Variants in AHCYL2 observed in about 807,000 individuals in gnomAD.
AHCYL2 encodes adenosylhomocysteinase like 2.
A neutral mutation model predicts 81.4 loss-of-function variants in AHCYL2; 28 were observed. The observed-to-expected ratio is 0.34, with a 90% CI of 0.25 to 0.47. The LOEUF (loss-of-function observed/expected upper bound fraction) is 0.47, where lower values mean the gene tolerates loss of function less well. Ranked by LOEUF, AHCYL2 falls within the 20% of genes least tolerant of loss-of-function variation. AHCYL2 has a pLI of 1.00. For synonymous variants in AHCYL2, 272 were observed against 290.2 expected (o/e 0.94, Z 0.64); for missense variants, 551 against 785.1 (o/e 0.70, Z 3.56).
Position 129,368,417 on chromosome 7 carries a change from G to A in AHCYL2, c.364-11221G>A. 1.2e-6 allele frequency: 2 copies of A among 1,611,306 alleles called. No homozygotes were observed. Among genetic ancestry groups the A allele is most frequent in the Non-Finnish European group, 1.7e-6 (2 of 1,178,474 alleles). ...ATCTCACTAGGGTTGGGTCTGCTTT[G>A]GGGCACTCAGATAACCCCAGTATTT... On this transcript the variant is annotated intron_variant, in intron 1 of 16. Coordinates refer to ENST00000325006, the MANE Select transcript of AHCYL2 (RefSeq NM_015328.4). This position sits in a 1 kb window ranked among gnomAD's most constrained non-coding sequence, Gnocchi z 4.4.
At chr7:129,340,103 T>A (rs1324057103) in intron 1 of AHCYL2, among the ~76,000 whole-genome samples, 2 of 149,030 alleles carry the variant, frequency 1.3e-5, no homozygotes, top group African/African-American at 4.9e-5. Flanking sequence ...TATTTTTTTT[T>A]AGTAGAGGCA....
At chr7:129,282,585 A>G (rs1463406123) in intron 1 of AHCYL2, among the ~76,000 whole-genome samples, 1 of 152,012 alleles carries the variant, frequency 6.6e-6, no homozygotes, top group Non-Finnish European at 1.5e-5. Context: ...CCATGTTTCT[A>G]CTTAGCTTTT....
chr7:129,348,174 A>T (rs940407863), intron 1 of AHCYL2, among the ~76,000 whole-genome samples: 1 of 152,146 alleles, frequency 6.6e-6, no homozygotes, highest in Non-Finnish European at 1.5e-5. Context: ...GGTGATAAAC[A>T]AATAGCACAA....
At position 129,426,444 on chromosome 7, in the gene AHCYL2, T is replaced by C; in HGVS notation, c.1710T>C (p.Asp570=). The C allele has an allele frequency of 6.2e-7, 1 of 1,614,076 alleles. No individual in the cohort carries two copies. Among genetic ancestry groups the C allele is most frequent in the Non-Finnish European group, 8.5e-7 (1 of 1,179,966 alleles). The change falls in exon 16 of 17, where the codon GAT becomes GAC. Residue 570 remains aspartate (D), a splice_region_variant and synonymous_variant. Transcript: ENST00000325006. This position sits in a 1 kb window ranked among gnomAD's most constrained non-coding sequence, Gnocchi z 4.3. The part of the protein sequence containing the change: ...QDVYLLPKKM[D]EYVASLHLPT... ...CAGGGCTTCTGTGGTCTGTTCCAGA[T>C]GAGTATGTGGCCAGCCTACACCTGC...
chr7:129,304,211 T>C (rs1797347357), intron 1 of AHCYL2, among the ~76,000 whole-genome samples: 1 of 152,254 alleles, frequency 6.6e-6, no homozygotes, highest in Non-Finnish European at 1.5e-5. Flanking sequence ...ATTCTTGTTA[T>C]TGATTTCTAG....
chr7:129,296,035 C>G (rs554246600), intron 1 of AHCYL2, among the ~76,000 whole-genome samples: 1 of 152,198 alleles, frequency 6.6e-6, no homozygotes, highest in Non-Finnish European at 1.5e-5. Flanking sequence ...AATCTTAGTA[C>G]TGTAGACAGC....
At chr7:129,421,893 G>T (rs1205605566) in intron 12 of AHCYL2, among the ~76,000 whole-genome samples, 1 of 152,204 alleles carries the variant, frequency 6.6e-6, no homozygotes, top group Non-Finnish European at 1.5e-5. Context: ...TTACTACAAT[G>T]ACTAGAATAT....
chr7:129,389,829 T>G (rs994260022), intron 4 of AHCYL2, 95 bp downstream of exon 4: 10 of 951,734 alleles, frequency 1.1e-5, no homozygotes, highest in Non-Finnish European at 1.5e-5. Context: ...AGTTAAGAGC[T>G]TAACAAGTAT....
intron 12 of AHCYL2, among the ~76,000 whole-genome samples, chr7:129,421,193 A>G (rs940777515): frequency 6.6e-6 from 1 of 151,748 alleles, no homozygotes; most frequent in Non-Finnish European, 1.5e-5. Context: ...CAGAGGTTGC[A>G]GTGAGCTAAG....
At position 129,405,913 on chromosome 7, in the gene AHCYL2, T is replaced by G. The variant is rs768163073; in HGVS notation, c.1206+14T>G. The G allele has an allele frequency of 9.3e-6, 15 of 1,609,442 alleles. 1 individual carries two copies. In the South Asian group the frequency reaches 1.2e-4, roughly 13 times the overall value. ...GGCTATGGAGAGGTGAAGTTTAACC[T>G]TTTGTTTATTAGGTGTTTTAAATGG... On this transcript the variant is annotated intron_variant, in intron 9 of 16. Coordinates refer to ENST00000325006, the MANE Select transcript of AHCYL2 (RefSeq NM_015328.4).
intron 1 of AHCYL2, among the ~76,000 whole-genome samples, chr7:129,314,883 A>T (rs1797779043): frequency 6.6e-6 from 1 of 152,152 alleles, no homozygotes. Context: ...ACTAAATTTG[A>T]TTCTGTTTCA....
At position 129,368,304 on chromosome 7, in the gene AHCYL2, T is replaced by A. The variant is rs1794201998; in HGVS notation, c.364-11334T>A. On this transcript the variant is annotated intron_variant, in intron 1 of 16. Transcript: ENST00000325006. This position sits in a 1 kb window ranked among gnomAD's most constrained non-coding sequence, Gnocchi z 4.4. ...GCTTTGAAGCCGGCCAGTAAGGGGT[T>A]GTCAGGCAGTTGACTAATGCTCTTG... 4 of 1,433,186 alleles carry A rather than the reference T, an allele frequency of 2.8e-6. No individual in the cohort carries two copies. Among genetic ancestry groups the A allele is most frequent in the Non-Finnish European group, 2.7e-6 (3 of 1,093,836 alleles). The allele number at this position is 1,433,186 out of a possible 1,614,324, so 88.8% of individuals were successfully genotyped here.
At chr7:129,375,723 G>A in intron 1 of AHCYL2, 1 of 1,455,176 alleles carries the variant, frequency 6.9e-7, no homozygotes, top group Non-Finnish European at 9.0e-7. Context: ...CTGCTTCAGG[G>A]ATTCCAAGGA....
chr7:129,259,621 A>G (rs1043808150), intron 1 of AHCYL2, among the ~76,000 whole-genome samples: 3 of 152,232 alleles, frequency 2.0e-5, no homozygotes, highest in African/African-American at 7.2e-5. Flanking sequence ...TAAGGTTCCT[A>G]TTCAAGGTTA....
At chr7:129,289,079 G>A (rs1796743580) in intron 1 of AHCYL2, among the ~76,000 whole-genome samples, 1 of 151,496 alleles carries the variant, frequency 6.6e-6, no homozygotes, top group African/African-American at 2.4e-5. Context: ...ACCACAACGG[G>A]CCTATTTTAA....
At chr7:129,327,743 C>T (rs1434487313) in intron 1 of AHCYL2, among the ~76,000 whole-genome samples, 15 of 151,898 alleles carry the variant, frequency 9.9e-5, no homozygotes, top group Admixed American at 9.8e-4. Flanking sequence ...AGATTACAGG[C>T]GTGAGCCACC....
intron 4 of AHCYL2, among the ~76,000 whole-genome samples, chr7:129,390,406 C>T (rs911508364): frequency 3.3e-5 from 5 of 152,068 alleles, no homozygotes; most frequent in African/African-American, 1.2e-4. Context: ...GGAATAAATC[C>T]CCTGAGGATA....
chr7:129,378,767 T>C (rs376777915), intron 1 of AHCYL2, among the ~76,000 whole-genome samples: 70 of 152,374 alleles, frequency 4.6e-4, no homozygotes, highest in Middle Eastern at 6.8e-3. Flanking sequence ...CTTACAAATA[T>C]GATAATCTCA....
chr7:129,314,189 C>T (rs1251333836), intron 1 of AHCYL2, among the ~76,000 whole-genome samples: 2 of 152,168 alleles, frequency 1.3e-5, no homozygotes, highest in African/African-American at 4.8e-5. Context: ...TCTCATGTGT[C>T]ACTTTCTCAG....
Sources: allele counts gnomAD v4.1 joint callset (sites outside exome capture counted in the v4.1 genomes callset), GRCh38; gene constraint gnomAD v4.1.1; non-coding constraint Gnocchi (gnomAD v3.1); transcripts MANE v1.5; gene names NCBI Gene and HGNC (gene_info 2026-07-23, HGNC 2026-07-21).